ABCA12: variants seen among roughly 807,000 people sequenced by gnomAD.
ABCA12 encodes the protein glucosylceramide transporter ABCA12.
Under a neutral mutation model 293.5 loss-of-function variants are expected in ABCA12, and 156 were observed. That is an observed-to-expected ratio of 0.53 (90% CI 0.47 to 0.61). The LOEUF is 0.61. ABCA12 is among the 20% of genes least tolerant of loss of function. ABCA12 has a pLI of 0.00. For missense variants in ABCA12, 2,797 were observed against 3,090.2 expected (o/e 0.91, Z 2.25); for synonymous variants, 1,063 against 1,108.0 (o/e 0.96, Z 0.81).
intron 1 of ABCA12, among the ~76,000 whole-genome samples, chr2:215,112,507 G>T (rs79468082): frequency 0.14 from 10,998 of 76,518 alleles, 499 homozygotes; most frequent in Admixed American, 0.26. Context: ...GTTTTTTTTT[G>T]TTTTTTTTTG....
chr2:215,001,701 A>T lies in ABCA12; in HGVS notation c.2720T>A (p.Ile907Asn). 6.2e-7 allele frequency: 1 copy of T among 1,613,620 alleles called. No individual in the cohort carries two copies. The highest frequency in any genetic ancestry group is 1.1e-5 in the South Asian group (1 of 91,070). ...LRLKLENNIDIIDQLNTLSSL... is the reference protein window; with the variant it reads ...LRLKLENNIDNIDQLNTLSSL... ...AGATAGTGTGTTAAGCTGATCGATG[A>T]TGTCAATGTTGTTCTCTAATTTCAG... The change falls in exon 21 of 53, where the codon ATC becomes AAC. Residue 907 changes from isoleucine to asparagine, a missense_variant. By Grantham distance (149) the Ile-to-Asn change is moderately radical. Coordinates refer to ENST00000272895, the MANE Select transcript of ABCA12 (RefSeq NM_173076.3).
chr2:215,080,993 G>T (rs146696387), intron 2 of ABCA12: 75 of 152,222 alleles, frequency 4.9e-4, no homozygotes, highest in African/African-American at 1.8e-3. Context: ...TGACCAAAAA[G>T]TTGAAAATCA....
At chr2:215,114,183 C>T (rs1328832182) in intron 1 of ABCA12, among the ~76,000 whole-genome samples, 3 of 152,142 alleles carry the variant, frequency 2.0e-5, no homozygotes, top group African/African-American at 7.2e-5. Context: ...CCATGTAGGC[C>T]AGGATGGTCT....
intron 39 of ABCA12, among the ~76,000 whole-genome samples, chr2:214,965,231 G>A (rs1038502176): frequency 3.3e-5 from 5 of 152,112 alleles, no homozygotes; most frequent in South Asian, 2.1e-4. Context: ...ATTAACTCGA[G>A]ATGGATTAAA....
At chr2:215,074,021 C>T (rs1701788098) in intron 2 of ABCA12, among the ~76,000 whole-genome samples, 2 of 152,102 alleles carry the variant, frequency 1.3e-5, no homozygotes, top group African/African-American at 4.8e-5. Flanking sequence ...TGGTTAATTC[C>T]AGATTTCCAT....
chr2:215,060,994 A>G (rs1701516541), intron 3 of ABCA12, among the ~76,000 whole-genome samples: 1 of 151,984 alleles, frequency 6.6e-6, no homozygotes, highest in Non-Finnish European at 1.5e-5. Context: ...TTCTCCAAAT[A>G]ATGACCCTGT....
chr2:214,991,322 A>G (rs1699907993), intron 23 of ABCA12, among the ~76,000 whole-genome samples: 1 of 152,228 alleles, frequency 6.6e-6, no homozygotes, highest in African/African-American at 2.4e-5. Flanking sequence ...TGACATCTCT[A>G]GATTAAACTA....
intron 7 of ABCA12, among the ~76,000 whole-genome samples, chr2:215,044,165 G>A (rs770729557): frequency 2.0e-5 from 3 of 151,866 alleles, no homozygotes; most frequent in Non-Finnish European, 4.4e-5. Flanking sequence ...TCATTTTCTT[G>A]GATAAATACC....
intron 14 of ABCA12, 136 bp downstream of exon 14, chr2:215,017,872 G>T: frequency 8.0e-7 from 1 of 1,255,130 alleles, no homozygotes; most frequent in Non-Finnish European, 1.1e-6. Context: ...GAGGCCTCCA[G>T]GTTTATCACT....
At chr2:215,005,791 T>C (rs1700241518) in intron 19 of ABCA12, among the ~76,000 whole-genome samples, 1 of 152,258 alleles carries the variant, frequency 6.6e-6, no homozygotes, top group Non-Finnish European at 1.5e-5. Flanking sequence ...TGATCAATAC[T>C]AATCCATGCA....
intron 50 of ABCA12, among the ~76,000 whole-genome samples, chr2:214,940,872 A>T (rs1394918359): frequency 6.6e-6 from 1 of 151,662 alleles, no homozygotes; most frequent in African/African-American, 2.4e-5. Context: ...CTTCTTTATT[A>T]GTCTGGCTAG....
chr2:215,012,602 A>G (rs1386090170), intron 15 of ABCA12, among the ~76,000 whole-genome samples: 1 of 152,240 alleles, frequency 6.6e-6, no homozygotes, highest in Non-Finnish European at 1.5e-5. Context: ...CTACAGAGAC[A>G]GAAAATAGAT....
At position 215,054,812 on chromosome 2, in the gene ABCA12, C is replaced by T. The variant is rs1041167196; in HGVS notation, c.318-148G>A. 12 of 643,462 alleles carry T rather than the reference C, an allele frequency of 1.9e-5. No homozygotes were observed. The African/African-American group carries it at 2.2e-4, about 12-fold the overall frequency. 39.9% of individuals were successfully genotyped at this position (643,462 alleles called of 1,614,324 possible). ...ATTTTAATGGAAGAATTCACCTAAC[C>T]ACACACCAATGAATATATAAGGTCT... On this transcript the variant is annotated intron_variant, in intron 3 of 52. Coordinates refer to ENST00000272895, the MANE Select transcript of ABCA12 (RefSeq NM_173076.3).
At chr2:214,995,873 T>C (rs952610507) in intron 23 of ABCA12, among the ~76,000 whole-genome samples, 18 of 152,026 alleles carry the variant, frequency 1.2e-4, no homozygotes, top group African/African-American at 4.3e-4. Context: ...ATTGATAAAA[T>C]ATGAATAATT....
At chr2:215,049,281 G>C (rs555034142) in intron 6 of ABCA12, among the ~76,000 whole-genome samples, 9 of 152,242 alleles carry the variant, frequency 5.9e-5, no homozygotes, top group Non-Finnish European at 1.2e-4. Flanking sequence ...GACTGTGACA[G>C]TTTAATTATT....
chr2:214,979,124 A>C (rs1473587549), intron 31 of ABCA12, 84 bp from the exon 32 acceptor site: 19 of 1,249,552 alleles, frequency 1.5e-5, no homozygotes, highest in African/African-American at 4.4e-5. Context: ...TGAGGTGATG[A>C]GCTCTTTTAG....
Position 214,946,006 on chromosome 2 carries a change from G to A in ABCA12, c.7240-902C>T, listed in dbSNP as rs564500657. ...CTAGACAAGAAGCATAAGTTCTAGT[G>A]GTCTATAGGGTGACTATAGTTAACA... On this transcript the variant is annotated intron_variant, in intron 48 of 52. Transcript: ENST00000272895. Among the ~76,000 whole-genome samples, 12 of 151,930 alleles carry A rather than the reference G, an allele frequency of 7.9e-5. No individual in the cohort carries two copies. In the South Asian group the frequency reaches 1.9e-3, roughly 24 times the overall value.
intron 21 of ABCA12, 83 bp from the exon 22 acceptor site, chr2:215,001,103 A>G: frequency 7.5e-7 from 1 of 1,336,358 alleles, no homozygotes; most frequent in Non-Finnish European, 1.1e-6. Context: ...CAGAGGGGAC[A>G]GCCAAACAGT....
At position 214,942,915 on chromosome 2, in the gene ABCA12, T is replaced by C; in HGVS notation, c.7436+10A>G. On this transcript the variant is annotated intron_variant, in intron 50 of 52. Coordinates refer to ENST00000272895, the MANE Select transcript of ABCA12 (RefSeq NM_173076.3). ...AACACTATCTGTTAAGCAATGCATTTGTTCTTCACCTGCTCTTTATGTGCT... is the reference window on the plus strand; with the variant it reads ...AACACTATCTGTTAAGCAATGCATTCGTTCTTCACCTGCTCTTTATGTGCT... 1 of 1,611,586 alleles carries C rather than the reference T, an allele frequency of 6.2e-7. No homozygotes were observed. Among genetic ancestry groups the C allele is most frequent in the Non-Finnish European group, 8.5e-7 (1 of 1,178,332 alleles).
Sources: allele counts gnomAD v4.1 joint callset (sites outside exome capture counted in the v4.1 genomes callset), GRCh38; gene constraint gnomAD v4.1.1; transcripts MANE v1.5; gene names NCBI Gene and HGNC (gene_info 2026-07-23, HGNC 2026-07-21).